The following CACHD1 variants were observed in gnomAD, a reference collection of about 807,000 sequenced individuals.
CACHD1 encodes the protein cache domain containing 1.
A neutral mutation model predicts 138.7 loss-of-function variants in CACHD1; 71 were observed. The observed-to-expected ratio is 0.51, with a 90% CI of 0.42 to 0.62. The LOEUF (loss-of-function observed/expected upper bound fraction) is 0.62. Ranked by LOEUF, CACHD1 falls within the 20% of genes least tolerant of loss-of-function variation. CACHD1 has a pLI of 0.00. For missense variants in CACHD1, 1,389 were observed against 1,625.3 expected (o/e 0.85, Z 2.50); for synonymous variants, 578 against 591.5 (o/e 0.98, Z 0.33).
chr1:64,576,039 C>T (rs924172719), intron 2 of CACHD1, among the ~76,000 whole-genome samples: 2 of 152,146 alleles, frequency 1.3e-5, no homozygotes, highest in African/African-American at 2.4e-5. Context: ...GGGGACCGCA[C>T]GCTACCTACT....
intron 2 of CACHD1, among the ~76,000 whole-genome samples, chr1:64,552,392 G>C (rs528003299): frequency 3.0e-4 from 45 of 152,056 alleles, no homozygotes; most frequent in African/African-American, 1.1e-3. Flanking sequence ...ATTTGTAGTT[G>C]ATGGATATCA....
At chr1:64,496,289 G>T (rs566033526) in intron 1 of CACHD1, among the ~76,000 whole-genome samples, 6 of 152,246 alleles carry the variant, frequency 3.9e-5, no homozygotes, top group East Asian at 1.9e-4. Flanking sequence ...CTTATTATTA[G>T]TAGTAGTAAT....
intron 1 of CACHD1, among the ~76,000 whole-genome samples, chr1:64,471,436 G>C (rs537437670): frequency 3.2e-4 from 49 of 152,234 alleles, no homozygotes; most frequent in African/African-American, 1.2e-3. Context: ...CCTCCCTACC[G>C]AGGCGCACCA....
At chr1:64,484,169 G>A (rs1275875429) in intron 1 of CACHD1, among the ~76,000 whole-genome samples, 1 of 151,932 alleles carries the variant, frequency 6.6e-6, no homozygotes, top group East Asian at 1.9e-4. Context: ...TAGCGGGAGC[G>A]ACAACTCTAA....
rs530847374 is a variant in CACHD1, at chr1:64,480,886, C to CTTTTTTTTTT, written c.198+9948_198+9957dup. Among the ~76,000 whole-genome samples, 2 of 140,590 alleles carry CTTTTTTTTTT rather than the reference C, an allele frequency of 1.4e-5. 1 individual carries two copies. 92.2% of individuals were successfully genotyped at this position (140,590 alleles called of 152,430 possible). The stretch of plus-strand genomic sequence containing the variant: ...AAGTTGTTTCTTTCTCTCTCTCTCC[C>CTTTTTTTTTT]TTTTTTTTTTTTTGGGTGAAAATTG... On this transcript the variant is annotated intron_variant, in intron 1 of 26. Transcript: ENST00000651257.
chr1:64,685,305 T>A (rs1650331445), intron 26 of CACHD1, among the ~76,000 whole-genome samples: 1 of 152,170 alleles, frequency 6.6e-6, no homozygotes, highest in South Asian at 2.1e-4. Flanking sequence ...AGCCGAGGTG[T>A]GTAGTAGGCT....
intron 4 of CACHD1, among the ~76,000 whole-genome samples, chr1:64,624,949 A>G (rs1232961728): frequency 2.0e-5 from 3 of 152,202 alleles, no homozygotes; most frequent in Admixed American, 2.0e-4. Flanking sequence ...TGATTTTTGT[A>G]AATAAACTTG....
intron 26 of CACHD1, among the ~76,000 whole-genome samples, chr1:64,685,837 A>G (rs1463481693): frequency 6.6e-6 from 1 of 150,472 alleles, no homozygotes; most frequent in Non-Finnish European, 1.5e-5. Context: ...TCTTTGAGAC[A>G]GGGCTGTCTC....
rs373747232 is a variant in CACHD1 at position 64,692,812 on chromosome 1, A to G, written c.*1251A>G. On this transcript the variant is annotated 3_prime_UTR_variant, in exon 27 of 27. Coordinates refer to ENST00000651257, the MANE Select transcript of CACHD1 (RefSeq NM_020925.4). ...ATGTATTTTAGACTCACATTTTGTG[A>G]TTCAAATATGTTATAAAGGCATTCT... 164 of 152,632 alleles carry G rather than the reference A, an allele frequency of 1.1e-3. 1 individual carries two copies. The highest frequency in any genetic ancestry group is 3.7e-3 in the African/African-American group (155 of 41,568). 9.5% of individuals were successfully genotyped at this position (152,632 alleles called of 1,614,324 possible). A position where few individuals can be genotyped will look rare whatever the true frequency, so the allele number is the denominator to read the frequency against.
In CACHD1 at chr1:64,643,036, TAAAAAAAAAAAAAAAAAAAAA is replaced by T. The variant is rs139320316; in HGVS notation, c.1156+1082_1156+1102del. 1.2e-4 allele frequency among the ~76,000 whole-genome samples: 4 copies of T among 33,342 alleles called. No individual in the cohort carries two copies. The East Asian group carries it at 5.2e-3, about 44-fold the overall frequency. The allele number at this position is 33,342 out of a possible 152,430, so 21.9% of individuals were successfully genotyped here. ...CCTGGTGACAGAGCAAGACTCTGTC[TAAAAAAAAAAAAAAAAAAAAA>T]AAAAAAAAAAAAAAGCCATGTCTTG... On this transcript the variant is annotated intron_variant, in intron 8 of 26. Coordinates refer to ENST00000651257, the MANE Select transcript of CACHD1 (RefSeq NM_020925.4).
chr1:64,542,988 AAC>A (rs111903627), intron 1 of CACHD1, among the ~76,000 whole-genome samples: 10,456 of 147,410 alleles, frequency 0.071, 572 homozygotes, highest in African/African-American at 0.16. Context: ...CACACACATC[AAC>A]ACACACACAC....
In CACHD1 at chr1:64,653,895, G is replaced by C; in HGVS notation, c.1664+14G>C. 6.2e-7 allele frequency: 1 copy of C among 1,610,704 alleles called. No homozygotes were observed. Among genetic ancestry groups the C allele is most frequent in the Non-Finnish European group, 8.5e-7 (1 of 1,178,812 alleles). On this transcript the variant is annotated intron_variant, in intron 11 of 26. Coordinates refer to ENST00000651257, the MANE Select transcript of CACHD1 (RefSeq NM_020925.4). ...AAATATCCTAAGGTAAGGAAAAGGT[G>C]AGGGTCATAGGATTGTTTTTCCCTG...
intron 25 of CACHD1, among the ~76,000 whole-genome samples, chr1:64,681,548 T>TTTTTTTG (rs1650187464): frequency 8.8e-6 from 1 of 114,266 alleles, no homozygotes; most frequent in Admixed American, 1.1e-4. Flanking sequence ...TGTGTTTTTT[T>TTTTTTTG]TTTTTTTTTT....
At position 64,498,207 on chromosome 1, in the gene CACHD1, A is replaced by G. The variant is rs187980495; in HGVS notation, c.198+27265A>G. On this transcript the variant is annotated intron_variant, in intron 1 of 26. Transcript: ENST00000651257. Reference sequence around the variant, plus strand: ...AAGAGGTTCACCAAAGCTCGGAGAGAGCTACCAGAGAGAAGGCATAGGGGA... The same window carrying G: ...AAGAGGTTCACCAAAGCTCGGAGAGGGCTACCAGAGAGAAGGCATAGGGGA... Among the ~76,000 whole-genome samples the G allele has an allele frequency of 1.2e-3, 176 of 152,308 alleles. 1 individual carries two copies. The highest frequency in any genetic ancestry group is 4.1e-3 in the African/African-American group (172 of 41,564).
At chr1:64,651,453 C>T (rs981660410) in intron 9 of CACHD1, among the ~76,000 whole-genome samples, 17 of 152,064 alleles carry the variant, frequency 1.1e-4, no homozygotes, top group Admixed American at 5.2e-4. Flanking sequence ...TTTGATCTAA[C>T]ATTTCCTAGA....
intron 1 of CACHD1, among the ~76,000 whole-genome samples, chr1:64,538,437 A>G (rs1422965574): frequency 1.3e-5 from 2 of 152,334 alleles, no homozygotes; most frequent in African/African-American, 2.4e-5. Context: ...GACTCTTAGC[A>G]TTAGTAGCTT....
intron 7 of CACHD1, among the ~76,000 whole-genome samples, chr1:64,637,863 C>T (rs1648577423): frequency 6.6e-6 from 1 of 152,180 alleles, no homozygotes; most frequent in Non-Finnish European, 1.5e-5. Flanking sequence ...CCAGGGTACT[C>T]TCAGGCAATA....
chr1:64,648,035 G>A lies in CACHD1; in HGVS notation c.1390+1G>A, dbSNP rs1190349828. 6.2e-7 allele frequency: 1 copy of A among 1,607,188 alleles called. No homozygotes were observed. Among genetic ancestry groups the A allele is most frequent in the Non-Finnish European group, 8.5e-7 (1 of 1,175,292 alleles). On this transcript the variant is annotated splice_donor_variant, in intron 9 of 26. Transcript: ENST00000651257. LOFTEE classifies it high-confidence loss of function. ...CCCTTCTCTGATGAGATGGGAGATG[G>A]TGAGTTTGGATAAACGTCATTTTAA...
chr1:64,496,949 T>C (rs1646309920), intron 1 of CACHD1, among the ~76,000 whole-genome samples: 2 of 151,866 alleles, frequency 1.3e-5, no homozygotes, highest in Non-Finnish European at 2.9e-5. Flanking sequence ...GGAGAGAACA[T>C]TTTCAAGATT....
Sources: allele counts gnomAD v4.1 joint callset (sites outside exome capture counted in the v4.1 genomes callset), GRCh38; gene constraint gnomAD v4.1.1; transcripts MANE v1.5; gene names NCBI Gene and HGNC (gene_info 2026-07-23, HGNC 2026-07-21).